PLCH1: variants seen among roughly 807,000 people sequenced by gnomAD.
PLCH1 encodes 1-phosphatidylinositol 4,5-bisphosphate phosphodiesterase eta-1.
Under a neutral mutation model 126.7 loss-of-function variants are expected in PLCH1, and 60 were observed. That is an observed-to-expected ratio of 0.47 (90% confidence interval 0.38 to 0.59). PLCH1 has a LOEUF of 0.59. PLCH1 is among the 20% of genes least tolerant of loss of function. The pLI, the probability that PLCH1 is intolerant of heterozygous loss-of-function variation, is 0.00. For missense variants in PLCH1, 1,723 were observed against 2,040.0 expected, an observed-to-expected ratio of 0.84 and a Z score of 2.99; for synonymous variants, 719 against 734.9, an observed-to-expected ratio of 0.98 and a Z score of 0.35.
intron 1 of PLCH1, among the ~76,000 whole-genome samples, chr3:155,731,336 T>A (rs1417415409): frequency 6.6e-6 from 1 of 152,236 alleles, no homozygotes; most frequent in East Asian, 1.9e-4. Context: ...GGATCCAGAC[T>A]CAAGTCCAAT....
At chr3:155,561,964 T>C (rs1727693733) in intron 8 of PLCH1, among the ~76,000 whole-genome samples, 1 of 152,104 alleles carries the variant, frequency 6.6e-6, no homozygotes, top group Non-Finnish European at 1.5e-5. Context: ...GCAGTTTTAG[T>C]AGAGATGCGG....
intron 10 of PLCH1, among the ~76,000 whole-genome samples, chr3:155,536,452 C>T (rs763068405): frequency 3.6e-4 from 54 of 152,052 alleles, no homozygotes; most frequent in Middle Eastern, 6.8e-3. Context: ...GAAAAAATAT[C>T]CAGAGAAATA....
intron 2 of PLCH1, among the ~76,000 whole-genome samples, chr3:155,651,433 A>G (rs1740699861): frequency 6.6e-6 from 1 of 152,148 alleles, no homozygotes; most frequent in African/African-American, 2.4e-5. Context: ...GTCAATTGTA[A>G]TATCTACAGA....
At chr3:155,522,299 C>G (rs759097290) in intron 11 of PLCH1, among the ~76,000 whole-genome samples, 26 of 152,068 alleles carry the variant, frequency 1.7e-4, no homozygotes, top group Non-Finnish European at 3.2e-4. Flanking sequence ...GAGAAAAAAG[C>G]AACTATTTAA....
intron 21 of PLCH1, among the ~76,000 whole-genome samples, chr3:155,469,029 A>G (rs777768590): frequency 7.9e-5 from 12 of 152,196 alleles, no homozygotes; most frequent in Non-Finnish European, 1.3e-4. Flanking sequence ...GTCACAAAAC[A>G]AGTCTTAAAA....
intron 21 of PLCH1, among the ~76,000 whole-genome samples, chr3:155,463,613 C>T (rs1712811140): frequency 6.6e-6 from 1 of 152,146 alleles, no homozygotes; most frequent in Admixed American, 6.5e-5. Context: ...AACATCATCT[C>T]CTCACAAAAT....
chr3:155,586,029 A>G, intron 5 of PLCH1, 36 bp downstream of exon 5: 1 of 1,600,276 alleles, frequency 6.2e-7, no homozygotes, highest in African/African-American at 1.3e-5. Context: ...ACCTCTGTGT[A>G]TTTTATATAA....
intron 21 of PLCH1, among the ~76,000 whole-genome samples, chr3:155,462,601 T>C (rs983373596): frequency 4.5e-4 from 69 of 152,308 alleles, no homozygotes; most frequent in African/African-American, 1.6e-3. Flanking sequence ...TATACTAATA[T>C]GCAAGAAAAT....
intron 2 of PLCH1, among the ~76,000 whole-genome samples, chr3:155,635,140 TAA>T (rs60547934): frequency 1.3e-4 from 19 of 147,570 alleles, no homozygotes; most frequent in East Asian, 9.9e-4. Context: ...ATTTCTTAAT[TAA>T]AAAAAAAAAA....
intron 6 of PLCH1, among the ~76,000 whole-genome samples, chr3:155,579,618 T>C (rs1730403373): frequency 6.6e-6 from 1 of 152,182 alleles, no homozygotes; most frequent in Non-Finnish European, 1.5e-5. Flanking sequence ...ATGAAGACGA[T>C]AAGAGAAACA....
chr3:155,601,502 AC>A (rs1390846535), intron 2 of PLCH1, among the ~76,000 whole-genome samples: 12 of 152,042 alleles, frequency 7.9e-5, no homozygotes, highest in Admixed American at 3.9e-4. Context: ...ATACATATAT[AC>A]ATATATATGA....
At chr3:155,609,787 G>A (rs954752418) in intron 2 of PLCH1, among the ~76,000 whole-genome samples, 2 of 151,684 alleles carry the variant, frequency 1.3e-5, no homozygotes, top group Non-Finnish European at 2.9e-5. Context: ...ACAAGTAGAA[G>A]AAAAAACTTC....
At chr3:155,539,328 C>G (rs1322914243) in intron 10 of PLCH1, among the ~76,000 whole-genome samples, 2 of 152,062 alleles carry the variant, frequency 1.3e-5, no homozygotes, top group Non-Finnish European at 1.5e-5. Flanking sequence ...GAAAGCATTC[C>G]CCCTGAGAAC....
rs148013786 is a variant in PLCH1, at chr3:155,563,693, C to A, written c.1069+1222G>T. Among the ~76,000 whole-genome samples the A allele has an allele frequency of 4.2e-3, 637 of 151,980 alleles. 1 individual carries two copies. Among genetic ancestry groups the A allele is most frequent in the Admixed American group, 7.1e-3 (108 of 15,240 alleles). ...ACACTGTTGCCCAAATAATCTTTCT[C>A]AACTGCAAATCTGATCATATCACTA... is the stretch of plus-strand genomic sequence containing the variant. On this transcript the variant is annotated intron_variant, in intron 8 of 22. Coordinates refer to ENST00000460012, the MANE Select transcript of PLCH1 (RefSeq NM_014996.4).
chr3:155,468,373 G>A (rs141413320), intron 21 of PLCH1, among the ~76,000 whole-genome samples: 10 of 152,186 alleles, frequency 6.6e-5, no homozygotes, highest in South Asian at 2.1e-4. Flanking sequence ...ACCAGAAAAC[G>A]AACAACAAAA....
intron 10 of PLCH1, among the ~76,000 whole-genome samples, chr3:155,545,701 G>C (rs1725155765): frequency 6.6e-6 from 1 of 151,326 alleles, no homozygotes. Flanking sequence ...TGATCAAGTG[G>C]GCTTCATCCC....
chr3:155,632,910 GAC>G (rs148335333), intron 2 of PLCH1, among the ~76,000 whole-genome samples: 4 of 151,838 alleles, frequency 2.6e-5, no homozygotes, highest in South Asian at 2.1e-4. Context: ...ATCCCACTTA[GAC>G]ACACACACAC....
At chr3:155,610,336 G>T (rs576468086) in intron 2 of PLCH1, among the ~76,000 whole-genome samples, 2 of 132,314 alleles carry the variant, frequency 1.5e-5, no homozygotes, top group African/African-American at 6.1e-5. Context: ...ACTCCAGCCT[G>T]GGCAACAAGA....
intron 11 of PLCH1, among the ~76,000 whole-genome samples, chr3:155,522,283 C>T (rs1721202748): frequency 6.6e-6 from 1 of 151,914 alleles, no homozygotes; most frequent in Non-Finnish European, 1.5e-5. Context: ...AAATAAATAC[C>T]TAGAGGAGAA....
Sources: gnomAD v4.1 joint callset for allele counts (sites outside exome capture counted in the v4.1 genomes callset) on GRCh38, gnomAD v4.1.1 for gene constraint, MANE v1.5 for transcripts, NCBI Gene and HGNC (gene_info 2026-07-23, HGNC 2026-07-21) for gene names.